Variants in CDH4 observed in about 807,000 individuals in gnomAD.
The protein encoded by CDH4 is cadherin 4.
CDH4 carries 33 observed loss-of-function variants against 86.0 expected under a neutral mutation model. That is an observed-to-expected ratio of 0.38 (90% CI 0.29 to 0.51). The LOEUF is 0.51. Among genes scored for constraint, CDH4 ranks in the 20% least tolerant of loss-of-function variants. CDH4 has a pLI of 0.86. For missense variants in CDH4, 1,114 were observed against 1,307.4 expected, an observed-to-expected ratio of 0.85 and a Z score of 2.28; for synonymous variants, 555 against 549.4, an observed-to-expected ratio of 1.01 and a Z score of -0.14.
chr20:61,815,292 C>T (rs1377757584), intron 4 of CDH4, among the ~76,000 whole-genome samples: 4 of 152,206 alleles, frequency 2.6e-5, no homozygotes, highest in Admixed American at 2.0e-4. Flanking sequence ...AGGGTGGCTG[C>T]TGTGGAGGGC....
At chr20:61,387,002 C>T (rs1023227518) in intron 2 of CDH4, among the ~76,000 whole-genome samples, 1 of 152,240 alleles carries the variant, frequency 6.6e-6, no homozygotes, top group African/African-American at 2.4e-5. Context: ...CAATTTTCCA[C>T]GTCTCTGAGA....
chr20:61,580,805 G>A (rs557988327), intron 2 of CDH4, among the ~76,000 whole-genome samples: 2 of 152,284 alleles, frequency 1.3e-5, no homozygotes, highest in Admixed American at 1.3e-4. Flanking sequence ...TACAAAGTGG[G>A]CCGACCCCAG....
intron 2 of CDH4, among the ~76,000 whole-genome samples, chr20:61,581,523 C>T (rs2086428402): frequency 6.6e-6 from 1 of 152,192 alleles, no homozygotes; most frequent in African/African-American, 2.4e-5. Flanking sequence ...AACATCACCC[C>T]TCCTCCTGGG....
intron 8 of CDH4, among the ~76,000 whole-genome samples, chr20:61,895,341 A>T (rs1306162685): frequency 6.6e-6 from 1 of 152,188 alleles, no homozygotes; most frequent in Non-Finnish European, 1.5e-5. Flanking sequence ...GCCTGGGCTG[A>T]TGTCACTGCC....
intron 2 of CDH4, among the ~76,000 whole-genome samples, chr20:61,602,883 C>G (rs2086613797): frequency 6.6e-6 from 1 of 152,200 alleles, no homozygotes; most frequent in Admixed American, 6.5e-5. Flanking sequence ...TACGGTTTCG[C>G]TTCTCAGTGT....
At chr20:61,355,505 A>G (rs1287634772) in intron 2 of CDH4, among the ~76,000 whole-genome samples, 1 of 152,256 alleles carries the variant, frequency 6.6e-6, no homozygotes, top group Non-Finnish European at 1.5e-5. Context: ...CACGTGCCTC[A>G]TAAATGAAAA....
intron 7 of CDH4, among the ~76,000 whole-genome samples, chr20:61,889,069 C>T (rs1245321163): frequency 6.6e-6 from 1 of 152,210 alleles, no homozygotes; most frequent in African/African-American, 2.4e-5. Context: ...CACCATGCAC[C>T]TCATACCTCC....
intron 2 of CDH4, among the ~76,000 whole-genome samples, chr20:61,546,080 T>TA (rs1568886615): frequency 0.18 from 156 of 856 alleles, 31 homozygotes; most frequent in Non-Finnish European, 0.21. Flanking sequence ...GGGGGTTTGT[T>TA]CACACGTGTG....
intron 2 of CDH4, among the ~76,000 whole-genome samples, chr20:61,645,724 C>G (rs1043989284): frequency 6.6e-6 from 1 of 152,186 alleles, no homozygotes; most frequent in Non-Finnish European, 1.5e-5. Flanking sequence ...ATTTCACCCC[C>G]CTTCAACCAC....
Position 61,393,758 on chromosome 20 carries a change from C to T in CDH4, c.169+138821C>T, listed in dbSNP as rs571380944. ...TGGCAGGGTTCTCATGAGGATTACA[C>T]GAGTCCTGGAGACCGTGCAGTGAAC... On this transcript the variant is annotated intron_variant, in intron 2 of 15. Coordinates refer to ENST00000614565, the MANE Select transcript of CDH4 (RefSeq NM_001794.5). This position sits in a 1 kb window ranked among gnomAD's most constrained non-coding sequence, Gnocchi z 4.3. Among the ~76,000 whole-genome samples the T allele has an allele frequency of 7.2e-5, 11 of 152,164 alleles. No individual in the cohort carries two copies. Among genetic ancestry groups the T allele is most frequent in the African/African-American group, 2.4e-4 (10 of 41,490 alleles).
intron 2 of CDH4, among the ~76,000 whole-genome samples, chr20:61,327,905 AG>A (rs1387845486): frequency 1.3e-5 from 2 of 152,218 alleles, no homozygotes. Context: ...GATCAGGTGT[AG>A]TTTTATGAAT....
At chr20:61,341,121 G>A (rs138531234) in intron 2 of CDH4, among the ~76,000 whole-genome samples, 80 of 152,260 alleles carry the variant, frequency 5.3e-4, no homozygotes, top group African/African-American at 1.7e-3. Flanking sequence ...TGCCCTTCTC[G>A]CTCAGTGAGA....
At chr20:61,312,711 A>G (rs371764421) in intron 2 of CDH4, among the ~76,000 whole-genome samples, 2 of 151,716 alleles carry the variant, frequency 1.3e-5, no homozygotes, top group African/African-American at 4.8e-5. Context: ...CCTTCCAGCT[A>G]CTCCATGTCC....
intron 2 of CDH4, among the ~76,000 whole-genome samples, chr20:61,692,033 A>G (rs922665708): frequency 2.0e-5 from 3 of 152,126 alleles, no homozygotes; most frequent in Admixed American, 2.0e-4. Context: ...TCTTAGAGCA[A>G]GGAAATTTCC....
chr20:61,381,083 G>A (rs2084897980), intron 2 of CDH4, among the ~76,000 whole-genome samples: 1 of 152,164 alleles, frequency 6.6e-6, no homozygotes, highest in African/African-American at 2.4e-5. Context: ...GTCATAGGAT[G>A]GCACATTTTA....
At chr20:61,856,424 C>T in intron 6 of CDH4, among the ~76,000 whole-genome samples, 1 of 143,248 alleles carries the variant, frequency 7.0e-6, no homozygotes, top group African/African-American at 2.7e-5. Flanking sequence ...GCCCCCCACA[C>T]TCTTCCCCAA....
intron 2 of CDH4, among the ~76,000 whole-genome samples, chr20:61,354,852 A>G (rs935821120): frequency 2.0e-5 from 3 of 152,192 alleles, no homozygotes; most frequent in Non-Finnish European, 4.4e-5. Context: ...GCTGGAGAGC[A>G]TCTGTGAGGG....
In CDH4 at chr20:61,417,701, C is replaced by T. The variant is rs911276112; in HGVS notation, c.169+162764C>T. On this transcript the variant is annotated intron_variant, in intron 2 of 15. Transcript: ENST00000614565. This position sits in a 1 kb window ranked among gnomAD's most constrained non-coding sequence, Gnocchi z 4.0. ...CATGCATTTCTCCTGACTTGTATTA[C>T]TCATTTTACGGCTGGAGACAGGTGC... Among the ~76,000 whole-genome samples the T allele has an allele frequency of 6.6e-6, 1 of 152,214 alleles. No homozygotes were observed. The highest frequency in any genetic ancestry group is 1.5e-5 in the Non-Finnish European group (1 of 68,044).
intron 2 of CDH4, among the ~76,000 whole-genome samples, chr20:61,479,089 T>C (rs1457108274): frequency 1.3e-5 from 2 of 152,200 alleles, no homozygotes; most frequent in East Asian, 1.9e-4. Flanking sequence ...AGGAAATCTG[T>C]TGTGGCTCTT....
Sources: allele counts gnomAD v4.1 joint callset (sites outside exome capture counted in the v4.1 genomes callset), GRCh38; gene constraint gnomAD v4.1.1; non-coding constraint Gnocchi (gnomAD v3.1); transcripts MANE v1.5; gene names NCBI Gene and HGNC (gene_info 2026-07-23, HGNC 2026-07-21).